ATP2C2: variants seen among roughly 807,000 people sequenced by gnomAD.
The protein encoded by ATP2C2 is ATPase secretory pathway Ca2+ transporting 2, also known as calcium-transporting ATPase type 2C member 2.
ATP2C2 carries 171 observed loss-of-function variants against 110.8 expected under a neutral mutation model. The ratio of observed to expected loss-of-function variants is 1.54; its 90% CI spans 1.36 to 1.75. ATP2C2 has a LOEUF of 1.75. Ranked by LOEUF, ATP2C2 falls within the 40% of genes most tolerant of loss-of-function variation. The pLI, the probability that ATP2C2 is intolerant of heterozygous loss-of-function variation, is 0.00. For missense variants in ATP2C2, 1,963 were observed against 1,235.0 expected, an observed-to-expected ratio of 1.59 and a Z score of -8.84; for synonymous variants, 804 against 508.4, an observed-to-expected ratio of 1.58 and a Z score of -7.82.
chr16:84,400,501 G>C (rs1488979080), intron 2 of ATP2C2, among the ~76,000 whole-genome samples: 1 of 151,916 alleles, frequency 6.6e-6, no homozygotes, highest in African/African-American at 2.4e-5. Flanking sequence ...TAATTTTTTT[G>C]TATTTTTAGT....
At position 84,452,047 on chromosome 16, in the gene ATP2C2, T is replaced by C; in HGVS notation, c.1787T>C (p.Val596Ala). 6.2e-7 allele frequency: 1 copy of C among 1,613,164 alleles called. No homozygotes were observed. Among genetic ancestry groups the C allele is most frequent in the South Asian group, 1.1e-5 (1 of 91,010 alleles). Reference sequence around the variant, plus strand: ...GTTCTCTCCGAGTCTGGTGTGTCTGTGAAGATGATAACGGGGGATGCCCTG... The same window carrying C: ...GTTCTCTCCGAGTCTGGTGTGTCTGCGAAGATGATAACGGGGGATGCCCTG... Reference protein sequence around the residue: ...VQVLSESGVSVKMITGDALET... With the variant: ...VQVLSESGVSAKMITGDALET... Residue 596 changes from valine (V) to alanine (A), a missense_variant, in exon 18 of 27, where the codon GTG (valine) becomes GCG (alanine). Coordinates refer to ENST00000262429, the MANE Select transcript of ATP2C2 (RefSeq NM_014861.4).
intron 1 of ATP2C2, among the ~76,000 whole-genome samples, chr16:84,375,457 C>G (rs950351810): frequency 1.5e-4 from 23 of 151,164 alleles, no homozygotes; most frequent in Non-Finnish European, 2.7e-4. Context: ...AGAAGAATCA[C>G]TTGAATCGGG....
chr16:84,463,718 C>T lies in ATP2C2; in HGVS notation c.2827C>T (p.Pro943Ser), dbSNP rs949149439. The change falls in exon 27 of 27, where the codon CCT (proline) becomes TCT (serine). Residue 943 changes from proline (P) to serine (S), a missense_variant. Coordinates refer to ENST00000262429, the MANE Select transcript of ATP2C2 (RefSeq NM_014861.4). ...CAGCCCCAAGAGAGTCCAGATGCAC[C>T]CTGAAGATGTGTAGTGGACCGCACT... ...CCSPKRVQMH[P>S]EDV 6.2e-6 allele frequency: 10 copies of T among 1,612,944 alleles called. No homozygotes were observed. Among genetic ancestry groups the T allele is most frequent in the Non-Finnish European group, 7.6e-6 (9 of 1,179,152 alleles).
At chr16:84,436,389 C>G (rs514726) in intron 11 of ATP2C2, among the ~76,000 whole-genome samples, 52,367 of 151,910 alleles carry the variant, frequency 0.34, 9,597 homozygotes, top group Non-Finnish European at 0.4. Flanking sequence ...TCGCCCTGGC[C>G]GATTTCACGT....
Position 84,453,212 on chromosome 16 carries a change from G to T in ATP2C2, c.1906G>T (p.Glu636Ter). Residue 636 changes from glutamate (E) to a stop codon, truncating the protein, a stop_gained, in exon 19 of 27, where the codon GAG (glutamate) becomes TAG (stop). Transcript: ENST00000262429. LOFTEE classifies it high-confidence loss of function. Reference protein sequence around the residue: ...GEEVDSVEKGELADRVGKVSV... With the variant: ...GEEVDSVEKG ...GGAGGTGGACAGCGTGGAGAAGGGCGAGCTGGCCGACCGCGTGGGGAAGGT... is the reference window on the plus strand; with the variant it reads ...GGAGGTGGACAGCGTGGAGAAGGGCTAGCTGGCCGACCGCGTGGGGAAGGT... 1 of 1,613,856 alleles carries T rather than the reference G, an allele frequency of 6.2e-7. No homozygotes were observed. The highest frequency in any genetic ancestry group is 2.2e-5 in the East Asian group (1 of 44,882).
At position 84,446,397 on chromosome 16, in the gene ATP2C2, G is replaced by C. The variant is rs990880225; in HGVS notation, c.1470G>C (p.Lys490Asn). Residue 490 changes from lysine (K) to asparagine (N), a missense_variant, in exon 16 of 27, where the codon AAG becomes AAC. Transcript: ENST00000262429. ...AGATTCCATTCAGTTCAGAGCAGAA[G>C]TGGATGGCGGTGAAATGCAGTCTGA... ...KKEIPFSSEQKWMAVKCSLKT... is the reference protein window; with the variant it reads ...KKEIPFSSEQNWMAVKCSLKT... 1 of 1,607,052 alleles carries C rather than the reference G, an allele frequency of 6.2e-7. No homozygotes were observed. Among genetic ancestry groups the C allele is most frequent in the Non-Finnish European group, 8.5e-7 (1 of 1,177,440 alleles).
rs889870616 is a variant in ATP2C2 at position 84,423,880 on chromosome 16, A to G, written c.919+617A>G. Among the ~76,000 whole-genome samples, 6 of 152,280 alleles carry G rather than the reference A, an allele frequency of 3.9e-5. No individual in the cohort carries two copies. In the South Asian group the frequency reaches 6.2e-4, roughly 16 times the overall value. ...GGGACTTCCTGACCTTTGGTAACACAACAAACAGCATTGACATGATGCTGC... is the reference window on the plus strand; with the variant it reads ...GGGACTTCCTGACCTTTGGTAACACGACAAACAGCATTGACATGATGCTGC... On this transcript the variant is annotated intron_variant, in intron 10 of 26. Transcript: ENST00000262429.
chr16:84,451,848 AC>A, intron 17 of ATP2C2, 72 bp from the exon 18 acceptor site: 3 of 1,433,316 alleles, frequency 2.1e-6, no homozygotes, highest in Non-Finnish European at 1.9e-6. Context: ...AAAAACAACA[AC>A]AACAACCAAC....
chr16:84,393,786 G>A (rs1239157516), intron 1 of ATP2C2, among the ~76,000 whole-genome samples: 2 of 151,850 alleles, frequency 1.3e-5, no homozygotes, highest in South Asian at 2.1e-4. Flanking sequence ...GACACAGGTG[G>A]GACCCAGGAG....
At chr16:84,394,296 C>T (rs1162537041) in intron 1 of ATP2C2, among the ~76,000 whole-genome samples, 2 of 152,076 alleles carry the variant, frequency 1.3e-5, no homozygotes, top group Non-Finnish European at 1.5e-5. Context: ...GTCGTGTGAC[C>T]ACCACTTCTA....
At chr16:84,376,400 G>T (rs553852775) in intron 1 of ATP2C2, among the ~76,000 whole-genome samples, 26 of 152,128 alleles carry the variant, frequency 1.7e-4, no homozygotes, top group Non-Finnish European at 3.1e-4. Context: ...TAGATTATTG[G>T]TCTCCACCAC....
Position 84,422,521 on chromosome 16 carries a change from G to A in ATP2C2, c.756G>A (p.Val252=), listed in dbSNP as rs757917806. 1.9e-6 allele frequency: 3 copies of A among 1,614,130 alleles called. No individual in the cohort carries two copies. The highest frequency in any genetic ancestry group is 2.5e-6 in the Non-Finnish European group (3 of 1,180,014). The stretch of plus-strand genomic sequence containing the variant: ...ACATCGTCTTCATGGGGACCCTGGT[G>A]CAGTATGGGAGGGGCCAGGTAAGCC... ...LSNIVFMGTL[V]QYGRGQGVVI... is the part of the protein sequence containing the mutation. The change falls in exon 8 of 27, where the codon GTG becomes GTA. Residue 252 remains valine (V), a synonymous_variant. Coordinates refer to ENST00000262429, the MANE Select transcript of ATP2C2 (RefSeq NM_014861.4).
Position 84,461,440 on chromosome 16 carries a change from G to A in ATP2C2, c.2482-274G>A, listed in dbSNP as rs139371358. ...TTAACTGGAGTGGCATCACCTCCCA[G>A]GGAGACAGTTACTTCCTGGAGGAAG... is the stretch of plus-strand genomic sequence containing the variant. On this transcript the variant is annotated intron_variant, in intron 24 of 26. Transcript: ENST00000262429. 245 of 567,956 alleles carry A rather than the reference G, an allele frequency of 4.3e-4. 2 individuals are homozygous for A. Among genetic ancestry groups the A allele is most frequent in the African/African-American group, 4.0e-3 (214 of 53,106 alleles). 35.2% of individuals were successfully genotyped at this position (567,956 alleles called of 1,614,324 possible).
At position 84,452,005 on chromosome 16, in the gene ATP2C2, T is replaced by G. The variant is rs759406585; in HGVS notation, c.1745T>G (p.Val582Gly). 6.2e-7 allele frequency: 1 copy of G among 1,609,338 alleles called. No homozygotes were observed. ...VGIIDPPRVG[V>G]KEAVQVLSES... is the part of the protein sequence containing the mutation. ...ATCATTGACCCCCCGAGAGTTGGCG[T>G]GAAGGAAGCAGTCCAGGTTCTCTCC... Residue 582 changes from valine (V) to glycine (G), a missense_variant, in exon 18 of 27, where the codon GTG becomes GGG. By Grantham distance (109) the Val-to-Gly change is moderately radical. Transcript: ENST00000262429.
chr16:84,405,817 G>T (rs1176650311), intron 3 of ATP2C2, among the ~76,000 whole-genome samples: 1 of 152,288 alleles, frequency 6.6e-6, no homozygotes, highest in East Asian at 1.9e-4. Context: ...CTACTGAGGA[G>T]GCTGAGGTGG....
intron 2 of ATP2C2, among the ~76,000 whole-genome samples, chr16:84,400,682 A>C (rs186905009): frequency 1.3e-4 from 20 of 152,304 alleles, no homozygotes; most frequent in Non-Finnish European, 2.2e-4. Flanking sequence ...ACTAATTTAC[A>C]TTCCTACCAA....
At chr16:84,379,560 G>T (rs184930233) in intron 1 of ATP2C2, among the ~76,000 whole-genome samples, 6 of 152,188 alleles carry the variant, frequency 3.9e-5, no homozygotes, top group Non-Finnish European at 7.3e-5. Context: ...AGAATCTCAG[G>T]TTCCACCCTG....
intron 16 of ATP2C2, among the ~76,000 whole-genome samples, chr16:84,447,147 C>T (rs1211635367): frequency 6.6e-6 from 1 of 152,186 alleles, no homozygotes; most frequent in Non-Finnish European, 1.5e-5. Context: ...CACCCCTCCT[C>T]TTCCCTCCCA....
intron 17 of ATP2C2, 99 bp downstream of exon 17, chr16:84,448,788 C>G: frequency 6.8e-7 from 1 of 1,476,184 alleles, no homozygotes; most frequent in Non-Finnish European, 9.1e-7. Context: ...GGTCACCCGT[C>G]CCAAGGAGTC....
Sources: allele counts gnomAD v4.1 joint callset (sites outside exome capture counted in the v4.1 genomes callset), GRCh38; gene constraint gnomAD v4.1.1; transcripts MANE v1.5; gene names NCBI Gene and HGNC (gene_info 2026-07-23, HGNC 2026-07-21).